Variants in ELK3 observed in about 807,000 individuals in gnomAD.
The protein encoded by ELK3 is ETS domain-containing protein Elk-3.
Under a neutral mutation model 28.9 loss-of-function variants are expected in ELK3, and 10 were observed. That is an observed-to-expected ratio of 0.35 (90% CI 0.21 to 0.59). The LOEUF (loss-of-function observed/expected upper bound fraction) is 0.59, where lower values mean the gene tolerates loss of function less well. ELK3 is among the 20% of genes least tolerant of loss of function. The pLI, the probability that ELK3 is intolerant of heterozygous loss-of-function variation, is 0.82. For missense variants in ELK3, 463 were observed against 517.3 expected, an observed-to-expected ratio of 0.90 and a Z score of 1.02; for synonymous variants, 272 against 243.5, an observed-to-expected ratio of 1.12 and a Z score of -1.09.
intron 1 of ELK3, among the ~76,000 whole-genome samples, chr12:96,195,643 A>C (rs1036175598): frequency 6.6e-6 from 1 of 152,182 alleles, no homozygotes; most frequent in Non-Finnish European, 1.5e-5. Context: ...CAGAAACTGC[A>C]AAAGGGGCTT....
At chr12:96,240,874 A>C (rs181519341) in intron 2 of ELK3, among the ~76,000 whole-genome samples, 2 of 152,206 alleles carry the variant, frequency 1.3e-5, no homozygotes, top group Admixed American at 6.5e-5. Flanking sequence ...AAGCACGTGA[A>C]CTCCAGATGC....
intron 1 of ELK3, among the ~76,000 whole-genome samples, chr12:96,206,708 T>C (rs1247213530): frequency 2.6e-5 from 4 of 152,206 alleles, no homozygotes; most frequent in Non-Finnish European, 5.9e-5. Flanking sequence ...TAATAAGTTG[T>C]ATATGACATT....
chr12:96,261,256 G>A (rs1463139323), intron 4 of ELK3, among the ~76,000 whole-genome samples: 1 of 152,096 alleles, frequency 6.6e-6, no homozygotes, highest in Non-Finnish European at 1.5e-5. Context: ...GTGTCATGAA[G>A]TGACCATATC....
chr12:96,211,752 C>T (rs921434212), intron 1 of ELK3, among the ~76,000 whole-genome samples: 23 of 152,222 alleles, frequency 1.5e-4, no homozygotes, highest in African/African-American at 5.3e-4. Context: ...ATTCATCAGG[C>T]AGCCTTGGAC....
At chr12:96,228,198 T>C (rs1951717417) in intron 2 of ELK3, among the ~76,000 whole-genome samples, 1 of 151,620 alleles carries the variant, frequency 6.6e-6, no homozygotes, top group Admixed American at 6.6e-5. Flanking sequence ...GGTGGGTGGA[T>C]CATGAGGTCA....
In ELK3 at chr12:96,247,704, A is replaced by G; in HGVS notation, c.972A>G (p.Gly324=). The G allele has an allele frequency of 6.2e-7, 1 of 1,600,662 alleles. No individual in the cohort carries two copies. Among genetic ancestry groups the G allele is most frequent in the Middle Eastern group, 1.7e-4 (1 of 6,046 alleles). Residue 324 remains glycine, a synonymous_variant, in exon 3 of 5, where the codon GGA becomes GGG. Coordinates refer to ENST00000228741, the MANE Select transcript of ELK3 (RefSeq NM_005230.4). This position sits in a 1 kb window ranked among gnomAD's most constrained non-coding sequence, Gnocchi z 5.5. ...IALNSPALPS[G]SLTPAFFTAQ... Reference sequence around the variant, plus strand: ...TCAACAGCCCAGCCCTCCCCTCGGGATCCCTCACCCCAGCCTTCTTCACCG... The same window carrying G: ...TCAACAGCCCAGCCCTCCCCTCGGGGTCCCTCACCCCAGCCTTCTTCACCG...
chr12:96,221,273 A>T (rs2137013009), intron 1 of ELK3, among the ~76,000 whole-genome samples: 1 of 152,344 alleles, frequency 6.6e-6, no homozygotes, highest in East Asian at 1.9e-4. Context: ...TGATTCTGTG[A>T]TGCACAAGAA....
At chr12:96,241,189 T>C (rs1421591039) in intron 2 of ELK3, among the ~76,000 whole-genome samples, 1 of 152,260 alleles carries the variant, frequency 6.6e-6, no homozygotes, top group Non-Finnish European at 1.5e-5. Flanking sequence ...GCTTTATGCC[T>C]GGGTCAGTTC....
At chr12:96,237,308 C>T (rs1250952659) in intron 2 of ELK3, among the ~76,000 whole-genome samples, 2 of 152,152 alleles carry the variant, frequency 1.3e-5, no homozygotes, top group African/African-American at 4.8e-5. Flanking sequence ...TGGCGGCTCA[C>T]GCTTGTCATC....
intron 1 of ELK3, among the ~76,000 whole-genome samples, chr12:96,217,990 TTCC>T (rs1297221813): frequency 3.3e-5 from 5 of 151,948 alleles, no homozygotes; most frequent in Non-Finnish European, 2.9e-5. Flanking sequence ...AAAATCACTT[TTCC>T]TCCTCCTCCT....
At chr12:96,196,413 T>C (rs569399511) in intron 1 of ELK3, among the ~76,000 whole-genome samples, 1 of 22,212 alleles carries the variant, frequency 4.5e-5, no homozygotes, top group Admixed American at 4.6e-4. Context: ...TGTGCTTGTC[T>C]TTGGGGGTGG....
chr12:96,264,763 C>T (rs1245320727), intron 4 of ELK3, among the ~76,000 whole-genome samples: 5 of 152,164 alleles, frequency 3.3e-5, no homozygotes, highest in Admixed American at 6.5e-5. Context: ...CAAACCTGGG[C>T]GACAGAGTGA....
At chr12:96,212,577 T>C (rs1321666470) in intron 1 of ELK3, 2 of 152,196 alleles carry the variant, frequency 1.3e-5, no homozygotes. Flanking sequence ...GATGTTGTTA[T>C]AGGGGGGAGG....
intron 2 of ELK3, among the ~76,000 whole-genome samples, chr12:96,237,824 T>C (rs1951795427): frequency 6.6e-6 from 1 of 152,204 alleles, no homozygotes; most frequent in Non-Finnish European, 1.5e-5. Context: ...GCTGAAAGAA[T>C]GTTTGCTTGT....
At chr12:96,226,434 C>T (rs1465774581) in intron 2 of ELK3, among the ~76,000 whole-genome samples, 1 of 152,192 alleles carries the variant, frequency 6.6e-6, no homozygotes, top group Admixed American at 6.5e-5. Context: ...ATATACCTGT[C>T]CACATGCACA....
intron 4 of ELK3, 65 bp from the exon 5 acceptor site, chr12:96,267,016 TA>T: frequency 7.2e-7 from 1 of 1,381,080 alleles, no homozygotes; most frequent in Non-Finnish European, 1.0e-6. Flanking sequence ...TATGGGAATG[TA>T]AAGAACCTAA....
chr12:96,208,267 G>C (rs930901727), intron 1 of ELK3, among the ~76,000 whole-genome samples: 77 of 152,192 alleles, frequency 5.1e-4, no homozygotes, highest in Non-Finnish European at 1.2e-4. Context: ...GGCCAGGCTG[G>C]TCTGGAACTC....
chr12:96,250,999 T>C (rs1333092764), intron 3 of ELK3, among the ~76,000 whole-genome samples: 1 of 152,202 alleles, frequency 6.6e-6, no homozygotes, highest in African/African-American at 2.4e-5. Context: ...TACTGTACTT[T>C]GCTTTATTAC....
chr12:96,262,233 G>T (rs1245217488), intron 4 of ELK3, among the ~76,000 whole-genome samples: 1 of 152,056 alleles, frequency 6.6e-6, no homozygotes, highest in Admixed American at 6.6e-5. Flanking sequence ...TGGCCAGGCT[G>T]GTCCCAAACT....
Sources: allele counts gnomAD v4.1 joint callset (sites outside exome capture counted in the v4.1 genomes callset), GRCh38; gene constraint gnomAD v4.1.1; non-coding constraint Gnocchi (gnomAD v3.1); transcripts MANE v1.5; gene names NCBI Gene and HGNC (gene_info 2026-07-23, HGNC 2026-07-21).